Variants in FOXK1 observed in about 807,000 individuals in gnomAD.
FOXK1 encodes the protein forkhead box protein K1.
In FOXK1, 19 loss-of-function variants were observed where a neutral mutation model predicts 51.9. The ratio of observed to expected loss-of-function variants is 0.37; its 90% CI spans 0.26 to 0.54. The LOEUF (loss-of-function observed/expected upper bound fraction) is 0.54. FOXK1 is among the 20% of genes least tolerant of loss of function. The pLI is 0.87. For missense variants in FOXK1, 870 were observed against 1,032.7 expected (o/e 0.84, Z 2.16); for synonymous variants, 537 against 482.6 (o/e 1.11, Z -1.48).
intron 1 of FOXK1, among the ~76,000 whole-genome samples, chr7:4,706,551 A>G (rs1233287719): frequency 6.6e-6 from 1 of 152,182 alleles, no homozygotes; most frequent in African/African-American, 2.4e-5. Flanking sequence ...CCTCCTATCA[A>G]GAAGGAACCT....
Position 4,735,258 on chromosome 7 carries a change from C to T in FOXK1, c.561-5580C>T, listed in dbSNP as rs1780537559. Among the ~76,000 whole-genome samples, 3 of 152,164 alleles carry T rather than the reference C, an allele frequency of 2.0e-5. No individual in the cohort carries two copies. Among genetic ancestry groups the T allele is most frequent in the Admixed American group, 2.0e-4 (3 of 15,270 alleles). On this transcript the variant is annotated intron_variant, in intron 1 of 8. Transcript: ENST00000328914. This position sits in a 1 kb window ranked among gnomAD's most constrained non-coding sequence, Gnocchi z 4.7. ...CCAGTTTGGCCCAACTTCCAGGAGCCATCAGCTTCTGGGTGGACCTGGGAA... is the reference window on the plus strand; with the variant it reads ...CCAGTTTGGCCCAACTTCCAGGAGCTATCAGCTTCTGGGTGGACCTGGGAA...
chr7:4,730,648 G>A lies in FOXK1; in HGVS notation c.561-10190G>A, dbSNP rs1436933698. ...AGACGTCCTTGCTGCGGGTTCGTCT[G>A]TAACCTGTGTCCCTTCACTGCCATG... On this transcript the variant is annotated intron_variant, in intron 1 of 8. Transcript: ENST00000328914. This position sits in a 1 kb window ranked among gnomAD's most constrained non-coding sequence, Gnocchi z 4.7. Among the ~76,000 whole-genome samples, 1 of 152,236 alleles carries A rather than the reference G, an allele frequency of 6.6e-6. No homozygotes were observed. Among genetic ancestry groups the A allele is most frequent in the African/African-American group, 2.4e-5 (1 of 41,464 alleles).
intron 1 of FOXK1, among the ~76,000 whole-genome samples, chr7:4,685,436 G>A (rs762415227): frequency 3.3e-5 from 5 of 151,352 alleles, no homozygotes; most frequent in African/African-American, 4.9e-5. Flanking sequence ...AGATGGTCTC[G>A]ATCTCCTGAC....
Position 4,687,896 on chromosome 7 carries a change from A to G in FOXK1, c.560+5028A>G, listed in dbSNP as rs571939561. 3.3e-5 allele frequency among the ~76,000 whole-genome samples: 5 copies of G among 152,116 alleles called. No individual in the cohort carries two copies. The East Asian group carries it at 9.7e-4, about 29-fold the overall frequency. On this transcript the variant is annotated intron_variant, in intron 1 of 8. Transcript: ENST00000328914. The stretch of plus-strand genomic sequence containing the variant: ...GAAGTGAATGTGGTTACTTTTTAAA[A>G]TTATTTTTTAATTTTGTAGAGACAG...
At chr7:4,754,741 G>C (rs1780821328) in intron 3 of FOXK1, 126 bp downstream of exon 3, 4 of 1,194,128 alleles carry the variant, frequency 3.3e-6, no homozygotes, top group Middle Eastern at 2.9e-4. Flanking sequence ...AGCCCACAGG[G>C]AATGGAGCCG....
rs1291795100 is a variant in FOXK1, at chr7:4,731,783, CAGAG to C, written c.561-9052_561-9049del. Among the ~76,000 whole-genome samples, 1 of 147,828 alleles carries C rather than the reference CAGAG, an allele frequency of 6.8e-6. No homozygotes were observed. Among genetic ancestry groups the C allele is most frequent in the African/African-American group, 2.5e-5 (1 of 40,094 alleles). ...CAAAAAAAAAAAAAAAAAAAGAAAA[CAGAG>C]AGGCCTGCTTATAACACCATCCTTA... On this transcript the variant is annotated intron_variant, in intron 1 of 8. Transcript: ENST00000328914. The surrounding 1 kb of genome is among the most constrained non-coding windows in gnomAD (Gnocchi z 5.3).
intron 1 of FOXK1, among the ~76,000 whole-genome samples, chr7:4,713,665 T>C (rs1780202014): frequency 6.6e-6 from 1 of 150,680 alleles, no homozygotes; most frequent in African/African-American, 2.4e-5. Flanking sequence ...CTAATTTTTG[T>C]AATGTTAGTA....
chr7:4,756,588 C>A lies in FOXK1; in HGVS notation c.1051-406C>A, dbSNP rs1176130463. ...ATTGGTTAAGCCCAAGAGTGTGAGA[C>A]CCCATCTCAACTAAAAATACAAAAA... On this transcript the variant is annotated intron_variant, in intron 4 of 8. Coordinates refer to ENST00000328914, the MANE Select transcript of FOXK1 (RefSeq NM_001037165.2). This position sits in a 1 kb window ranked among gnomAD's most constrained non-coding sequence, Gnocchi z 4.1. Among the ~76,000 whole-genome samples the A allele has an allele frequency of 6.6e-6, 1 of 151,654 alleles. No individual in the cohort carries two copies. Among genetic ancestry groups the A allele is most frequent in the Non-Finnish European group, 1.5e-5 (1 of 67,908 alleles).
chr7:4,756,887 G>C lies in FOXK1; in HGVS notation c.1051-107G>C. 1 of 1,245,084 alleles carries C rather than the reference G, an allele frequency of 8.0e-7. No individual in the cohort carries two copies. The highest frequency in any genetic ancestry group is 1.1e-6 in the Non-Finnish European group (1 of 886,588). The allele number at this position is 1,245,084 out of a possible 1,614,324, so 77.1% of individuals were successfully genotyped here. ...CACAGCACCAAGGGCTCTGCACAGA[G>C]GGACGGCCTCCCCTCACCCTGGTCC... is the stretch of plus-strand genomic sequence containing the variant. On this transcript the variant is annotated intron_variant, in intron 4 of 8. Coordinates refer to ENST00000328914, the MANE Select transcript of FOXK1 (RefSeq NM_001037165.2). The surrounding 1 kb of genome is among the most constrained non-coding windows in gnomAD (Gnocchi z 4.1).
chr7:4,703,021 G>A lies in FOXK1; in HGVS notation c.560+20153G>A, dbSNP rs1021563669. The stretch of plus-strand genomic sequence containing the variant: ...GGCCTGTGTCTCCACCTAAAAGGCC[G>A]TCCTCAGCTCCCCCTGCCAGGTCCG... On this transcript the variant is annotated intron_variant, in intron 1 of 8. Transcript: ENST00000328914. The surrounding 1 kb of genome is among the most constrained non-coding windows in gnomAD (Gnocchi z 5.6). 5.3e-5 allele frequency among the ~76,000 whole-genome samples: 8 copies of A among 152,170 alleles called. No homozygotes were observed. Among genetic ancestry groups the A allele is most frequent in the East Asian group, 1.9e-4 (1 of 5,194 alleles).
chr7:4,762,819 G>T lies in FOXK1; in HGVS notation c.*355G>T. 4.3e-6 allele frequency: 1 copy of T among 233,932 alleles called. No individual in the cohort carries two copies. 14.5% of individuals were successfully genotyped at this position (233,932 alleles called of 1,614,324 possible). ...TGTCAAGACAGCCCCTCCGCTCCGCGCTGCACGGCCAGCCGCCTTTGTCCG... is the reference window on the plus strand; with the variant it reads ...TGTCAAGACAGCCCCTCCGCTCCGCTCTGCACGGCCAGCCGCCTTTGTCCG... On this transcript the variant is annotated 3_prime_UTR_variant, in exon 9 of 9. Coordinates refer to ENST00000328914, the MANE Select transcript of FOXK1 (RefSeq NM_001037165.2). This position sits in a 1 kb window ranked among gnomAD's most constrained non-coding sequence, Gnocchi z 5.7.
At chr7:4,759,733 C>T in intron 7 of FOXK1, 138 bp downstream of exon 7, 1 of 1,070,072 alleles carries the variant, frequency 9.3e-7, no homozygotes, top group East Asian at 2.6e-5. Flanking sequence ...GCTGCCTTGT[C>T]CCTTTAAATC....
At chr7:4,692,273 A>T (rs1779902595) in intron 1 of FOXK1, among the ~76,000 whole-genome samples, 1 of 152,244 alleles carries the variant, frequency 6.6e-6, no homozygotes, top group Non-Finnish European at 1.5e-5. Flanking sequence ...AGGCTGAAGT[A>T]CATGGAGAAA....
At position 4,758,828 on chromosome 7, in the gene FOXK1, CCT is replaced by C. The variant is rs993377221; in HGVS notation, c.1245-219_1245-218del. 4.3e-5 allele frequency: 25 copies of C among 576,600 alleles called. No homozygotes were observed. Among genetic ancestry groups the C allele is most frequent in the Non-Finnish European group, 7.0e-5 (23 of 328,078 alleles). The allele number at this position is 576,600 out of a possible 1,614,324, so 35.7% of individuals were successfully genotyped here. ...TGCAGCACCTCACATGATACCGTCC[CCT>C]CTCATGGAACGGAGCCTCCCCCATG... On this transcript the variant is annotated intron_variant, in intron 5 of 8. Coordinates refer to ENST00000328914, the MANE Select transcript of FOXK1 (RefSeq NM_001037165.2). The surrounding 1 kb of genome is among the most constrained non-coding windows in gnomAD (Gnocchi z 4.4).
intron 1 of FOXK1, among the ~76,000 whole-genome samples, chr7:4,705,961 TATATATATATAC>T (rs1251256766): frequency 5.8e-5 from 6 of 102,586 alleles, no homozygotes; most frequent in South Asian, 2.3e-4. Context: ...TATATATATG[TATATATATATAC>T]GTATATATAC....
intron 1 of FOXK1, among the ~76,000 whole-genome samples, chr7:4,721,591 T>TTC (rs1780312377): frequency 9.8e-6 from 1 of 101,844 alleles, no homozygotes; most frequent in African/African-American, 2.9e-5. Flanking sequence ...TTTTTTTTCT[T>TTC]TTTTTTTTTT....
chr7:4,757,486 C>T (rs577654072), intron 5 of FOXK1, among the ~76,000 whole-genome samples: 2 of 151,396 alleles, frequency 1.3e-5, no homozygotes, highest in South Asian at 4.2e-4. Flanking sequence ...CAAAATTAGT[C>T]GGGCATGGTG....
At position 4,723,545 on chromosome 7, in the gene FOXK1, A is replaced by G. The variant is rs1193593811; in HGVS notation, c.561-17293A>G. 6.6e-6 allele frequency among the ~76,000 whole-genome samples: 1 copy of G among 152,122 alleles called. No individual in the cohort carries two copies. Among genetic ancestry groups the G allele is most frequent in the Admixed American group, 6.6e-5 (1 of 15,264 alleles). ...GCCTCTAGGGCCTGTCCATCCCGTC[A>G]GCCCACGGTGCCTCTACAAACACAG... is the stretch of plus-strand genomic sequence containing the variant. On this transcript the variant is annotated intron_variant, in intron 1 of 8. Coordinates refer to ENST00000328914, the MANE Select transcript of FOXK1 (RefSeq NM_001037165.2). This position sits in a 1 kb window ranked among gnomAD's most constrained non-coding sequence, Gnocchi z 4.7.
intron 1 of FOXK1, among the ~76,000 whole-genome samples, chr7:4,696,394 C>T (rs1473199437): frequency 4.6e-5 from 7 of 152,274 alleles, no homozygotes; most frequent in African/African-American, 1.7e-4. Flanking sequence ...TGCTCATGTC[C>T]TTCCAGATTT....
Sources: gnomAD v4.1 joint callset for allele counts (sites outside exome capture counted in the v4.1 genomes callset) on GRCh38, gnomAD v4.1.1 for gene constraint, Gnocchi (gnomAD v3.1) non-coding constraint, MANE v1.5 for transcripts, NCBI Gene and HGNC (gene_info 2026-07-23, HGNC 2026-07-21) for gene names.